Variants in SVOP observed in about 807,000 individuals in gnomAD.
The protein encoded by SVOP is synaptic vesicle 2-related protein.
Under a neutral mutation model 69.1 loss-of-function variants are expected in SVOP, and 17 were observed. The ratio of observed to expected loss-of-function variants is 0.25; its 90% CI spans 0.17 to 0.37. The LOEUF is 0.37. Ranked by LOEUF, SVOP falls within the 10% of genes least tolerant of loss-of-function variation. The probability of loss-of-function intolerance (pLI) is 1.00; values close to 1 mark genes in which losing one functional copy is unlikely to be tolerated. For synonymous variants in SVOP, 238 were observed against 238.6 expected (o/e 1.00, Z 0.02); for missense variants, 435 against 597.5 (o/e 0.73, Z 2.84).
intron 1 of SVOP, 69 bp downstream of exon 1, chr12:109,020,765 C>G: frequency 4.8e-6 from 2 of 414,648 alleles, no homozygotes; most frequent in South Asian, 3.6e-5. Flanking sequence ...CCCCCCCCCA[C>G]CCCCCTTGCA....
intron 6 of SVOP, among the ~76,000 whole-genome samples, chr12:108,951,819 C>T (rs2039955658): frequency 6.6e-6 from 1 of 152,210 alleles, no homozygotes; most frequent in Non-Finnish European, 1.5e-5. Flanking sequence ...AAAGTTGCTC[C>T]AATATTTTCC....
Position 108,910,915 on chromosome 12 carries a change from T to A in SVOP, c.*1620A>T, listed in dbSNP as rs943157036. 1 of 152,250 alleles carries A rather than the reference T, an allele frequency of 6.6e-6. No individual in the cohort carries two copies. The highest frequency in any genetic ancestry group is 1.5e-5 in the Non-Finnish European group (1 of 68,060). The allele number at this position is 152,250 out of a possible 1,614,324, so 9.4% of individuals were successfully genotyped here. A position where few individuals can be genotyped will look rare whatever the true frequency, so the allele number is the denominator to read the frequency against. Reference sequence around the variant, plus strand: ...ATCACTGACATGTTTTAATAAGAGTTGAACGCACAAATTGGCTTCCTTGCA... The same window carrying A: ...ATCACTGACATGTTTTAATAAGAGTAGAACGCACAAATTGGCTTCCTTGCA... On this transcript the variant is annotated 3_prime_UTR_variant, in exon 16 of 16. Transcript: ENST00000610966.
chr12:108,978,707 T>A lies in SVOP; in HGVS notation c.197-44A>T, dbSNP rs763861967. ...GAGGGAAGGAAGGAATCAGTGCACC[T>A]TGCAGTTGTCCTAGTGTGGGGTTTT... On this transcript the variant is annotated intron_variant, in intron 2 of 15. Coordinates refer to ENST00000610966, the MANE Select transcript of SVOP (RefSeq NM_018711.5). 1.6e-5 allele frequency: 11 copies of A among 701,438 alleles called. 1 individual carries two copies. In the South Asian group the frequency reaches 1.6e-4, roughly 10 times the overall value. 43.5% of individuals were successfully genotyped at this position (701,438 alleles called of 1,614,324 possible). A position where few individuals can be genotyped will look rare whatever the true frequency, so the allele number is the denominator to read the frequency against.
At chr12:108,979,383 G>A (rs1327212063) in intron 2 of SVOP, among the ~76,000 whole-genome samples, 1 of 151,980 alleles carries the variant, frequency 6.6e-6, no homozygotes, top group African/African-American at 2.4e-5. Context: ...GGGACTACAG[G>A]CACATGTCAC....
In SVOP at chr12:108,912,612, C is replaced by T. The variant is rs778416945; in HGVS notation, c.1570G>A (p.Glu524Lys). The T allele has an allele frequency of 1.9e-6, 3 of 1,613,928 alleles. No individual in the cohort carries two copies. Among genetic ancestry groups the T allele is most frequent in the Non-Finnish European group, 2.5e-6 (3 of 1,179,866 alleles). ...CGGCCGACCATCTCCTGGCCCCACT[C>T]CCGGTGGCTGGACTCCTGCAGTCCT... is the stretch of plus-strand genomic sequence containing the variant. ...GRGLQESSHREWGQEMVGRGM... is the reference protein window; with the variant it reads ...GRGLQESSHRKWGQEMVGRGM... The change falls in exon 16 of 16, where the codon GAG becomes AAG. Residue 524 changes from glutamate (E) to lysine (K), a missense_variant. Transcript: ENST00000610966.
intron 5 of SVOP, among the ~76,000 whole-genome samples, chr12:108,964,038 T>C (rs778570109): frequency 1.3e-5 from 2 of 152,162 alleles, no homozygotes; most frequent in African/African-American, 2.4e-5. Context: ...TGATCGATTT[T>C]TAAAAAGCAA....
intron 6 of SVOP, among the ~76,000 whole-genome samples, chr12:108,949,275 C>CTTT (rs36173334): frequency 6.6e-6 from 1 of 150,402 alleles, no homozygotes; most frequent in African/African-American, 2.4e-5. Flanking sequence ...AATCTTTCAG[C>CTTT]TTTTTTTTTG....
At chr12:108,936,826 G>A (rs553828163) in intron 10 of SVOP, 12 of 176,968 alleles carry the variant, frequency 6.8e-5, no homozygotes, top group Non-Finnish European at 1.3e-4. Flanking sequence ...GCAAACCTCC[G>A]TCTAGTTACT....
At chr12:108,933,419 T>C (rs1039836800) in intron 11 of SVOP, among the ~76,000 whole-genome samples, 3 of 151,774 alleles carry the variant, frequency 2.0e-5, no homozygotes, top group Non-Finnish European at 4.4e-5. Flanking sequence ...GGCTCACACC[T>C]GTAATCCCAG....
At chr12:109,013,437 C>A (rs2135632835) in intron 1 of SVOP, among the ~76,000 whole-genome samples, 1 of 151,082 alleles carries the variant, frequency 6.6e-6, no homozygotes, top group South Asian at 2.1e-4. Flanking sequence ...GTCACCCAGG[C>A]TGGAGTGCAG....
chr12:109,012,364 T>G (rs978754056), intron 1 of SVOP, among the ~76,000 whole-genome samples: 2 of 152,004 alleles, frequency 1.3e-5, no homozygotes, highest in East Asian at 3.9e-4. Context: ...TAATAACAAT[T>G]TAGAGTATTG....
chr12:108,981,137 C>G (rs1020241312), intron 2 of SVOP, among the ~76,000 whole-genome samples: 3 of 152,188 alleles, frequency 2.0e-5, no homozygotes, highest in African/African-American at 7.2e-5. Flanking sequence ...ACAAGAAGAA[C>G]AGTAGTGAGA....
chr12:108,957,311 G>A (rs1167189129), intron 6 of SVOP, among the ~76,000 whole-genome samples: 1 of 152,066 alleles, frequency 6.6e-6, no homozygotes, highest in East Asian at 1.9e-4. Flanking sequence ...TTACAGGTGT[G>A]TGTCACCACA....
At chr12:108,989,267 G>A (rs1451225496) in intron 1 of SVOP, among the ~76,000 whole-genome samples, 1 of 152,156 alleles carries the variant, frequency 6.6e-6, no homozygotes, top group African/African-American at 2.4e-5. Context: ...AGAGACAGGG[G>A]TCTCATTATG....
chr12:108,956,038 C>A (rs951595042), intron 6 of SVOP, among the ~76,000 whole-genome samples: 2 of 152,222 alleles, frequency 1.3e-5, no homozygotes, highest in East Asian at 3.9e-4. Flanking sequence ...CAGTGGCTCA[C>A]GCCTGTAATC....
At chr12:108,938,567 TTACTTTTCTC>T (rs1434041267) in intron 9 of SVOP, among the ~76,000 whole-genome samples, 1 of 152,166 alleles carries the variant, frequency 6.6e-6, no homozygotes, top group African/African-American at 2.4e-5. Flanking sequence ...TTAGCAGAGG[TTACTTTTCTC>T]TAATCACTGG....
At chr12:108,952,814 G>A (rs930310956) in intron 6 of SVOP, among the ~76,000 whole-genome samples, 2 of 152,164 alleles carry the variant, frequency 1.3e-5, no homozygotes, top group African/African-American at 2.4e-5. Context: ...AGGTATGATC[G>A]TGTTGCTGTA....
Position 108,923,316 on chromosome 12 carries a change from A to G in SVOP, c.1049-519T>C, listed in dbSNP as rs2039761396. Among the ~76,000 whole-genome samples the G allele has an allele frequency of 2.0e-5, 3 of 152,052 alleles. No individual in the cohort carries two copies. In the South Asian group the frequency reaches 6.2e-4, roughly 31 times the overall value. Reference sequence around the variant, plus strand: ...TCTCTTATGCTTTTCCTTGATGACTATGAAGGAGCAAGTGGCCATGTAGGT... The same window carrying G: ...TCTCTTATGCTTTTCCTTGATGACTGTGAAGGAGCAAGTGGCCATGTAGGT... On this transcript the variant is annotated intron_variant, in intron 11 of 15. Transcript: ENST00000610966.
rs539293779 is a variant in SVOP, at chr12:108,922,085, A to G, written c.1156+605T>C. 3.9e-5 allele frequency among the ~76,000 whole-genome samples: 6 copies of G among 152,212 alleles called. No homozygotes were observed. In the South Asian group the frequency reaches 1.0e-3, roughly 26 times the overall value. ...TTCTCCATGGGTTTCTCATATTTCT[A>G]CACATCTTATGAGCAGAGGGATCAG... On this transcript the variant is annotated intron_variant, in intron 12 of 15. Coordinates refer to ENST00000610966, the MANE Select transcript of SVOP (RefSeq NM_018711.5).
Sources: gnomAD v4.1 joint callset for allele counts (sites outside exome capture counted in the v4.1 genomes callset) on GRCh38, gnomAD v4.1.1 for gene constraint, MANE v1.5 for transcripts, NCBI Gene and HGNC (gene_info 2026-07-23, HGNC 2026-07-21) for gene names.